Variants in LHX4 observed in about 807,000 individuals in gnomAD.
LHX4 encodes the protein LIM/homeobox protein Lhx4.
LHX4 carries 16 observed loss-of-function variants against 39.2 expected under a neutral mutation model. The ratio of observed to expected loss-of-function variants is 0.41; its 90% CI spans 0.28 to 0.62. LHX4 has a LOEUF of 0.62. LHX4 is among the 20% of genes least tolerant of loss of function. The pLI is 0.33. For synonymous variants in LHX4, 206 were observed against 198.1 expected, an observed-to-expected ratio of 1.04 and a Z score of -0.33; for missense variants, 439 against 511.9, an observed-to-expected ratio of 0.86 and a Z score of 1.37.
intron 1 of LHX4, among the ~76,000 whole-genome samples, chr1:180,242,200 T>A (rs1269373293): frequency 6.6e-6 from 1 of 152,140 alleles, no homozygotes; most frequent in African/African-American, 2.4e-5. Context: ...GATTTCAGAA[T>A]TGGCTTTTTT....
Position 180,274,512 on chromosome 1 carries a change from T to G in LHX4, c.1106T>G (p.Val369Gly). ...TCTGACATCTCCACAGGAAGCAGTG[T>G]AGGCTATCCCGACTTTCCAACTAGC... is the stretch of plus-strand genomic sequence containing the variant. ...PTSDISTGSSVGYPDFPTSPG... is the reference protein window; with the variant it reads ...PTSDISTGSSGGYPDFPTSPG... Residue 369 changes from valine (V) to glycine (G), a missense_variant, in exon 6 of 6, where the codon GTA becomes GGA. By Grantham distance (109) the Val-to-Gly change is moderately radical (BLOSUM62 -3). Transcript: ENST00000263726. 1 of 1,610,414 alleles carries G rather than the reference T, an allele frequency of 6.2e-7. No homozygotes were observed. Among genetic ancestry groups the G allele is most frequent in the South Asian group, 1.1e-5 (1 of 91,066 alleles).
chr1:180,271,402 G>A lies in LHX4; in HGVS notation c.474G>A (p.Lys158=), dbSNP rs1648647824. The A allele has an allele frequency of 1.2e-6, 2 of 1,614,194 alleles. No individual in the cohort carries two copies. The highest frequency in any genetic ancestry group is 3.3e-5 in the Admixed American group (2 of 60,032). The stretch of plus-strand genomic sequence containing the variant: ...CAGATGACTCAGAGGCTGGAGCTAA[G>A]CGGCCCCGGACCACCATCACAGCCA... The part of the protein sequence containing the change: ...KQNDDSEAGA[K]RPRTTITAKQ... Residue 158 remains lysine, a synonymous_variant, in exon 4 of 6, where the codon AAG becomes AAA. Transcript: ENST00000263726.
chr1:180,236,023 G>T (rs1485171845), intron 1 of LHX4, among the ~76,000 whole-genome samples: 2 of 152,156 alleles, frequency 1.3e-5, no homozygotes, highest in Non-Finnish European at 2.9e-5. Context: ...AAGGACGACC[G>T]AAGCTAGGTG....
rs1648310694 is a variant in LHX4 at position 180,266,319 on chromosome 1, T to C, written c.249-73T>C. ...CGGAGTGGTGGGGTAGGAGGGAGGC[T>C]GCTCCAGGAAGTTGGGGGAAGCCAG... is the stretch of plus-strand genomic sequence containing the variant. On this transcript the variant is annotated intron_variant, in intron 2 of 5. Transcript: ENST00000263726. This position sits in a 1 kb window ranked among gnomAD's most constrained non-coding sequence, Gnocchi z 5.7. 1.4e-6 allele frequency: 2 copies of C among 1,473,870 alleles called. No homozygotes were observed. The highest frequency in any genetic ancestry group is 1.4e-5 in the African/African-American group (1 of 72,154). The allele number at this position is 1,473,870 out of a possible 1,614,324, so 91.3% of individuals were successfully genotyped here.
intron 3 of LHX4, chr1:180,270,508 G>A (rs1326481945): frequency 2.0e-5 from 3 of 152,310 alleles, no homozygotes. Context: ...ACACGCACGC[G>A]CCTCTCTCTG....
chr1:180,272,056 G>C (rs1377058608), intron 5 of LHX4, 50 bp downstream of exon 5: 2 of 1,548,136 alleles, frequency 1.3e-6, no homozygotes, highest in African/African-American at 2.7e-5. Flanking sequence ...AGTCCCCTGG[G>C]AATCTGTAAT....
At chr1:180,271,116 T>G (rs1274552112) in intron 3 of LHX4, 6 of 543,900 alleles carry the variant, frequency 1.1e-5, no homozygotes, top group Non-Finnish European at 2.0e-5. Flanking sequence ...TCTGTGCAGC[T>G]GGGCTGGCAG....
intron 2 of LHX4, among the ~76,000 whole-genome samples, chr1:180,258,556 T>C (rs1647970911): frequency 6.6e-6 from 1 of 152,104 alleles, no homozygotes; most frequent in African/African-American, 2.4e-5. Context: ...GCGGGGAGAC[T>C]GTTAGGAGGC....
rs1648967350 is a variant in LHX4 at position 180,275,443 on chromosome 1, A to AATC, written c.*866_*868dup. 1 of 152,254 alleles carries AATC rather than the reference A, an allele frequency of 6.6e-6. No homozygotes were observed. Among genetic ancestry groups the AATC allele is most frequent in the African/African-American group, 2.4e-5 (1 of 41,464 alleles). 9.4% of individuals were successfully genotyped at this position (152,254 alleles called of 1,614,324 possible). A position where few individuals can be genotyped will look rare whatever the true frequency, so the allele number is the denominator to read the frequency against. ...ATGTGGGGAGAACAAAATGACAATC[A>AATC]ATCAGTGAACATTTGTAGACACATT... On this transcript the variant is annotated 3_prime_UTR_variant, in exon 6 of 6. Coordinates refer to ENST00000263726, the MANE Select transcript of LHX4 (RefSeq NM_033343.4).
In LHX4 at chr1:180,230,491, G is replaced by C; in HGVS notation, c.-39G>C. On this transcript the variant is annotated 5_prime_UTR_variant, in exon 1 of 6. Transcript: ENST00000263726. This position sits in a 1 kb window ranked among gnomAD's most constrained non-coding sequence, Gnocchi z 5.8. ...ATCGAGCTAGAGCGAGAGAGCGAGAGATCTCCGTAGACTGCGACTCGCTGG... is the reference window on the plus strand; with the variant it reads ...ATCGAGCTAGAGCGAGAGAGCGAGACATCTCCGTAGACTGCGACTCGCTGG... 6.5e-7 allele frequency: 1 copy of C among 1,545,746 alleles called. No individual in the cohort carries two copies. Among genetic ancestry groups the C allele is most frequent in the South Asian group, 1.1e-5 (1 of 89,182 alleles).
At chr1:180,271,069 G>A (rs1353429160) in intron 3 of LHX4, 2 of 435,658 alleles carry the variant, frequency 4.6e-6, no homozygotes, top group African/African-American at 4.0e-5. Context: ...TCATGACAGG[G>A]ACGTGTGGAA....
At chr1:180,258,982 G>GC (rs1647986960) in intron 2 of LHX4, among the ~76,000 whole-genome samples, 2 of 152,122 alleles carry the variant, frequency 1.3e-5, no homozygotes, top group African/African-American at 4.8e-5. Flanking sequence ...AGCAGAGGGT[G>GC]CGGGGGGTGT....
chr1:180,231,034 C>T (rs1174887163), intron 1 of LHX4, among the ~76,000 whole-genome samples: 1 of 152,080 alleles, frequency 6.6e-6, no homozygotes, highest in Non-Finnish European at 1.5e-5. Context: ...AGTTGGAGAG[C>T]GCGTCTCTCG....
In LHX4 at chr1:180,274,370, T is replaced by C. The variant is rs1446081218; in HGVS notation, c.964T>C (p.Ser322Pro). The C allele has an allele frequency of 6.2e-7, 1 of 1,614,042 alleles. No individual in the cohort carries two copies. The change falls in exon 6 of 6, where the codon TCC (serine) becomes CCC (proline). Residue 322 changes from serine (S) to proline (P), a missense_variant. Ser to Pro is a moderately conservative substitution (Grantham distance 74). Transcript: ENST00000263726. The stretch of plus-strand genomic sequence containing the variant: ...TCCATCCTCCATATCGTCCCTGCCA[T>C]CCCACGCTCCTTTGCTCAATGGGCT... ...QSPSSISSLP[S>P]HAPLLNGLDY...
chr1:180,259,210 A>G (rs563203107), intron 2 of LHX4, among the ~76,000 whole-genome samples: 6 of 152,188 alleles, frequency 3.9e-5, no homozygotes, highest in East Asian at 1.9e-4. Flanking sequence ...TTGGGAGGCC[A>G]GGGAGAGGGG....
chr1:180,255,022 G>A (rs1304522832), intron 2 of LHX4, among the ~76,000 whole-genome samples: 1 of 152,246 alleles, frequency 6.6e-6, no homozygotes, highest in Non-Finnish European at 1.5e-5. Context: ...CTTCAGTGAG[G>A]AGCCGGCCTG....
intron 1 of LHX4, among the ~76,000 whole-genome samples, chr1:180,235,646 G>A (rs1038653310): frequency 2.0e-5 from 3 of 152,214 alleles, no homozygotes; most frequent in Non-Finnish European, 4.4e-5. Flanking sequence ...CCGCAGCTTA[G>A]TGGACCTTGA....
intron 1 of LHX4, among the ~76,000 whole-genome samples, chr1:180,245,364 C>T (rs1647347031): frequency 6.6e-6 from 1 of 152,240 alleles, no homozygotes; most frequent in African/African-American, 2.4e-5. Flanking sequence ...TCACCAAGAC[C>T]TTCCAGGGCC....
chr1:180,231,645 G>A (rs1402690196), intron 1 of LHX4, among the ~76,000 whole-genome samples: 1 of 151,666 alleles, frequency 6.6e-6, no homozygotes, highest in Non-Finnish European at 1.5e-5. Flanking sequence ...GCACCCTGGA[G>A]AGACCAAGGA....
Sources: allele counts gnomAD v4.1 joint callset (sites outside exome capture counted in the v4.1 genomes callset), GRCh38; gene constraint gnomAD v4.1.1; non-coding constraint Gnocchi (gnomAD v3.1); transcripts MANE v1.5; gene names NCBI Gene and HGNC (gene_info 2026-07-23, HGNC 2026-07-21).